The following GBF1 variants were observed in gnomAD, a reference collection of about 807,000 sequenced individuals.
GBF1 encodes golgi brefeldin A resistant guanine nucleotide exchange factor 1.
In GBF1, 114 loss-of-function variants were observed where a neutral mutation model predicts 210.5. The observed-to-expected ratio is 0.54, with a 90% CI of 0.47 to 0.63. The LOEUF is 0.63. Among genes scored for constraint, GBF1 ranks in the 30% least tolerant of loss-of-function variants. GBF1 has a pLI of 0.00. For synonymous variants in GBF1, 850 were observed against 889.2 expected (o/e 0.96, Z 0.78); for missense variants, 1,851 against 2,357.7 (o/e 0.79, Z 4.45).
chr10:102,326,222 T>C (rs548086469), intron 3 of GBF1, among the ~76,000 whole-genome samples: 18 of 152,352 alleles, frequency 1.2e-4, no homozygotes, highest in Admixed American at 1.2e-3. Context: ...TGCTTCTAAA[T>C]TGGAATGCTG....
At chr10:102,230,685 G>A in the GBF1 span, 1 of 1,546,394 alleles carries the variant, frequency 6.5e-7, no homozygotes, top group Admixed American at 2.0e-5. Flanking sequence ...CGGCAGCCGC[G>A]GCGGCGGCGG....
At chr10:102,270,665 T>C (rs2074319142) in intron 3 of GBF1, among the ~76,000 whole-genome samples, 1 of 152,242 alleles carries the variant, frequency 6.6e-6, no homozygotes, top group South Asian at 2.1e-4. Flanking sequence ...GCATGAATCC[T>C]AAATAAGGAT....
chr10:102,314,278 G>A (rs1014698744), intron 3 of GBF1, among the ~76,000 whole-genome samples: 9 of 150,736 alleles, frequency 6.0e-5, no homozygotes, highest in South Asian at 4.2e-4. Context: ...CCCAACTAGC[G>A]GGACCATAGG....
chr10:102,358,637 A>G lies in GBF1; in HGVS notation c.919A>G (p.Thr307Ala). ...CCAAACCACTTCCAAGGAAGACCTT[A>G]CTGATCTAGAGCAACCTGGCTCTCC... is the stretch of plus-strand genomic sequence containing the variant. Reference protein sequence around the residue: ...SSQTTSKEDLTDLEQPGSPGY... With the variant: ...SSQTTSKEDLADLEQPGSPGY... Residue 307 changes from threonine to alanine, a missense_variant, in exon 10 of 40, where the codon ACT becomes GCT. By Grantham distance (58) the Thr-to-Ala change is moderately conservative. Coordinates refer to ENST00000369983, the MANE Select transcript of GBF1 (RefSeq NM_001377137.1). 1 of 1,613,916 alleles carries G rather than the reference A, an allele frequency of 6.2e-7. No individual in the cohort carries two copies. The highest frequency in any genetic ancestry group is 8.5e-7 in the Non-Finnish European group (1 of 1,179,782).
At position 102,367,676 on chromosome 10, in the gene GBF1, T is replaced by A. The variant is rs2059986805; in HGVS notation, c.2642+116T>A. On this transcript the variant is annotated intron_variant, in intron 21 of 39. Coordinates refer to ENST00000369983, the MANE Select transcript of GBF1 (RefSeq NM_001377137.1). ...TGACTCACATGCCCTGGATTTAGCC[T>A]CAGGACTTAGTTGGGCAGCCCCCTC... 7 of 725,904 alleles carry A rather than the reference T, an allele frequency of 9.6e-6. No homozygotes were observed. In the East Asian group the frequency reaches 1.8e-4, roughly 19 times the overall value. The allele number at this position is 725,904 out of a possible 1,614,324, so 45.0% of individuals were successfully genotyped here.
the GBF1 span, among the ~76,000 whole-genome samples, chr10:102,232,535 T>TA: frequency 6.6e-6 from 1 of 151,940 alleles, no homozygotes; most frequent in Non-Finnish European, 1.5e-5. Context: ...ATACAAAAAT[T>TA]GCTGGGCGGG....
At chr10:102,296,873 C>T (rs1332282179) in intron 3 of GBF1, among the ~76,000 whole-genome samples, 3 of 151,904 alleles carry the variant, frequency 2.0e-5, no homozygotes, top group Admixed American at 1.3e-4. Flanking sequence ...AGTGAAATCC[C>T]GTCTCTACTA....
At chr10:102,238,862 T>G in the GBF1 span, among the ~76,000 whole-genome samples, 1 of 152,212 alleles carries the variant, frequency 6.6e-6, no homozygotes, top group Admixed American at 6.5e-5. Context: ...CTCTGACATG[T>G]GCTGATCCTT....
At chr10:102,337,174 C>T (rs2057810345) in intron 3 of GBF1, among the ~76,000 whole-genome samples, 1 of 151,358 alleles carries the variant, frequency 6.6e-6, no homozygotes, top group Non-Finnish European at 1.5e-5. Context: ...GTCAGGAGGT[C>T]GAGACCATCC....
intron 3 of GBF1, among the ~76,000 whole-genome samples, chr10:102,315,882 A>G (rs2078888192): frequency 6.6e-6 from 1 of 152,116 alleles, no homozygotes; most frequent in African/African-American, 2.4e-5. Context: ...GCAATTCCAT[A>G]AACCAGAATA....
At chr10:102,291,859 C>T (rs1589513435) in intron 3 of GBF1, among the ~76,000 whole-genome samples, 1 of 149,714 alleles carries the variant, frequency 6.7e-6, no homozygotes, top group Non-Finnish European at 1.5e-5. Flanking sequence ...ACTGGGCTTT[C>T]TGCAGAGGGA....
At chr10:102,293,322 T>TG (rs1396497713) in intron 3 of GBF1, among the ~76,000 whole-genome samples, 1 of 152,198 alleles carries the variant, frequency 6.6e-6, no homozygotes, top group African/African-American at 2.4e-5. Context: ...AACAAACCTG[T>TG]GCTGCCAGTC....
intron 3 of GBF1, among the ~76,000 whole-genome samples, chr10:102,333,890 C>A (rs558276960): frequency 6.6e-6 from 1 of 152,228 alleles, no homozygotes; most frequent in South Asian, 2.1e-4. Flanking sequence ...GCATATGAGA[C>A]CTAACACTTT....
intron 3 of GBF1, among the ~76,000 whole-genome samples, chr10:102,311,366 T>C (rs1489735101): frequency 6.6e-6 from 1 of 152,208 alleles, no homozygotes; most frequent in African/African-American, 2.4e-5. Context: ...TGGTTAATTT[T>C]CTTAGAACTA....
chr10:102,235,519 G>A, the GBF1 span, among the ~76,000 whole-genome samples: 312 of 152,248 alleles, frequency 2.0e-3, no homozygotes, highest in Non-Finnish European at 3.2e-3. Flanking sequence ...ATCTCCGAAA[G>A]GAAGTTCATG....
intron 36 of GBF1, 51 bp downstream of exon 36, chr10:102,380,005 C>A (rs772902915): frequency 7.8e-7 from 1 of 1,288,042 alleles, no homozygotes; most frequent in South Asian, 1.2e-5. Context: ...TGCCTTTTCC[C>A]GAGGAGGGAA....
chr10:102,315,667 C>T (rs1260165312), intron 3 of GBF1, among the ~76,000 whole-genome samples: 5 of 152,104 alleles, frequency 3.3e-5, no homozygotes, highest in Admixed American at 3.3e-4. Context: ...AATCTAATGT[C>T]GTCGCTAATC....
chr10:102,305,175 T>TTGTGTGTGTG (rs60026956), intron 3 of GBF1, among the ~76,000 whole-genome samples: 364 of 139,736 alleles, frequency 2.6e-3, no homozygotes, highest in African/African-American at 9.2e-3. Flanking sequence ...ATATGCAGAT[T>TTGTGTGTGTG]TGTGTGTGTG....
intron 12 of GBF1, 48 bp from the exon 13 acceptor site, chr10:102,360,974 C>CAAAAAAA: frequency 2.2e-5 from 15 of 694,954 alleles, no homozygotes; most frequent in South Asian, 9.8e-5. Flanking sequence ...AACTCCGCCT[C>CAAAAAAA]AAAAAAAAAA....
Sources: allele counts gnomAD v4.1 joint callset (sites outside exome capture counted in the v4.1 genomes callset), GRCh38; gene constraint gnomAD v4.1.1; transcripts MANE v1.5; gene names NCBI Gene and HGNC (gene_info 2026-07-23, HGNC 2026-07-21).